Variants in KIF26A observed in about 807,000 individuals in gnomAD.
KIF26A encodes kinesin-like protein KIF26A.
In KIF26A, 74 loss-of-function variants were observed where a neutral mutation model predicts 126.0. The observed-to-expected ratio is 0.59, with a 90% CI of 0.49 to 0.71. KIF26A has a LOEUF of 0.71. Ranked by LOEUF, KIF26A falls within the 30% of genes least tolerant of loss-of-function variation. KIF26A has a pLI of 0.00. For synonymous variants in KIF26A, 1,445 were observed against 1,232.7 expected, an observed-to-expected ratio of 1.17 and a Z score of -3.61; for missense variants, 2,984 against 2,763.3, an observed-to-expected ratio of 1.08 and a Z score of -1.79.
chr14:104,165,693 GTGTCTC>G (rs1240851434), intron 4 of KIF26A, among the ~76,000 whole-genome samples: 2 of 151,078 alleles, frequency 1.3e-5, no homozygotes, highest in African/African-American at 4.9e-5. Context: ...GTGTGACTGT[GTGTCTC>G]TGTCTCTGTG....
intron 4 of KIF26A, 60 bp from the exon 5 acceptor site, chr14:104,166,799 G>A (rs150545643): frequency 0.012 from 16,823 of 1,426,372 alleles, 126 homozygotes; most frequent in South Asian, 0.019. Flanking sequence ...ACTCGCAGGC[G>A]GGTGACAGGA....
intron 4 of KIF26A, among the ~76,000 whole-genome samples, chr14:104,162,942 C>G (rs970601829): frequency 6.6e-5 from 10 of 152,196 alleles, no homozygotes; most frequent in African/African-American, 2.4e-4. Context: ...CCCAAGAAAC[C>G]TGGGGTCCCA....
intron 4 of KIF26A, 31 bp from the exon 5 acceptor site, chr14:104,166,828 C>T (rs1193593401): frequency 6.6e-7 from 1 of 1,520,656 alleles, no homozygotes; most frequent in Non-Finnish European, 8.9e-7. Context: ...TGTCACCCAC[C>T]ACTGATCCTG....
At chr14:104,147,087 A>C (rs533913701) in intron 2 of KIF26A, among the ~76,000 whole-genome samples, 2 of 152,054 alleles carry the variant, frequency 1.3e-5, no homozygotes, top group African/African-American at 4.8e-5. Flanking sequence ...TGCAGCCTAC[A>C]TGGAGTTGGA....
At chr14:104,173,997 G>T in intron 10 of KIF26A, 129 bp downstream of exon 10, 1 of 1,399,882 alleles carries the variant, frequency 7.1e-7, no homozygotes, top group Non-Finnish European at 9.5e-7. Flanking sequence ...CCACCTGACA[G>T]GCCTCGCTGC....
At chr14:104,141,072 C>G (rs1000906194) in intron 2 of KIF26A, among the ~76,000 whole-genome samples, 1 of 152,230 alleles carries the variant, frequency 6.6e-6, no homozygotes, top group South Asian at 2.1e-4. Flanking sequence ...ATTGTCCTGT[C>G]CCCTGTGCGG....
intron 2 of KIF26A, among the ~76,000 whole-genome samples, chr14:104,147,717 C>T (rs931108071): frequency 6.6e-6 from 1 of 152,344 alleles, no homozygotes; most frequent in Admixed American, 6.5e-5. Flanking sequence ...GTTGTCAGCT[C>T]CGGAAACAGC....
At chr14:104,143,082 G>A (rs146553207) in intron 2 of KIF26A, among the ~76,000 whole-genome samples, 38 of 152,348 alleles carry the variant, frequency 2.5e-4, no homozygotes, top group Middle Eastern at 3.4e-3. Context: ...CATTTGAAGC[G>A]TCAGTACCGG....
At chr14:104,144,230 G>A (rs533494331) in intron 2 of KIF26A, among the ~76,000 whole-genome samples, 1 of 152,330 alleles carries the variant, frequency 6.6e-6, no homozygotes, top group South Asian at 2.1e-4. Context: ...TGAGCTTGAG[G>A]GATGTGAACC....
At chr14:104,156,507 C>T (rs2037779251) in intron 3 of KIF26A, among the ~76,000 whole-genome samples, 1 of 152,198 alleles carries the variant, frequency 6.6e-6, no homozygotes. Context: ...AGCTTCCATC[C>T]AGCCTAAGTC....
rs750229588 is a variant in KIF26A, at chr14:104,177,250, G to C, written c.4462G>C (p.Val1488Leu). ...PACRSGAAKAVGAPKPPVGGG... is the reference protein window; with the variant it reads ...PACRSGAAKALGAPKPPVGGG... ...CTGTAGGAGCGGCGCAGCCAAGGCT[G>C]TGGGGGCCCCCAAGCCCCCTGTTGG... The change falls in exon 12 of 15, where the codon GTG (valine) becomes CTG (leucine). Residue 1488 changes from valine to leucine, a missense_variant. Coordinates refer to ENST00000423312, the MANE Select transcript of KIF26A (RefSeq NM_015656.2). 6.3e-7 allele frequency: 1 copy of C among 1,596,968 alleles called. No individual in the cohort carries two copies. Among genetic ancestry groups the C allele is most frequent in the South Asian group, 1.1e-5 (1 of 89,510 alleles).
intron 11 of KIF26A, 29 bp from the exon 12 acceptor site, chr14:104,174,953 G>C: frequency 1.3e-6 from 2 of 1,493,590 alleles, no homozygotes; most frequent in African/African-American, 1.4e-5. Flanking sequence ...GGGAGACTGG[G>C]CTCGGCAGCT....
intron 2 of KIF26A, among the ~76,000 whole-genome samples, chr14:104,145,187 G>A (rs966507476): frequency 1.3e-5 from 2 of 152,244 alleles, no homozygotes; most frequent in African/African-American, 4.8e-5. Flanking sequence ...CTTGGGCTGC[G>A]TCGTCACTGT....
At chr14:104,158,860 A>G (rs1424889995) in intron 4 of KIF26A, among the ~76,000 whole-genome samples, 1 of 152,168 alleles carries the variant, frequency 6.6e-6, no homozygotes, top group Admixed American at 6.5e-5. Context: ...TGGTGTAAGG[A>G]TGCGGATTAC....
intron 3 of KIF26A, among the ~76,000 whole-genome samples, chr14:104,157,536 G>A (rs527724936): frequency 1.1e-4 from 16 of 152,170 alleles, no homozygotes; most frequent in South Asian, 6.2e-4. Context: ...AGCTGGGAAC[G>A]TGACCTCACG....
At chr14:104,142,883 C>T (rs1031963308) in intron 2 of KIF26A, among the ~76,000 whole-genome samples, 1 of 152,186 alleles carries the variant, frequency 6.6e-6, no homozygotes, top group Non-Finnish European at 1.5e-5. Flanking sequence ...TGGTGGTCAC[C>T]CCCGGGACTG....
At chr14:104,168,747 C>T (rs999251520) in intron 5 of KIF26A, among the ~76,000 whole-genome samples, 9 of 152,310 alleles carry the variant, frequency 5.9e-5, no homozygotes, top group East Asian at 5.8e-4. Context: ...CTCTGTCCTC[C>T]GGAGGCGACA....
At position 104,173,705 on chromosome 14, in the gene KIF26A, G is replaced by A. The variant is rs2037984763; in HGVS notation, c.1868-1G>A. The A allele has an allele frequency of 1.2e-6, 2 of 1,610,640 alleles. No homozygotes were observed. On this transcript the variant is annotated splice_acceptor_variant, in intron 9 of 14. Coordinates refer to ENST00000423312, the MANE Select transcript of KIF26A (RefSeq NM_015656.2). LOFTEE classifies it high-confidence loss of function. Reference sequence around the variant, plus strand: ...ATCATTTGCTTGCCTTGTGGTTCCAGTGTCCGGAGGCCGCAGCCGCCTGCA... The same window carrying A: ...ATCATTTGCTTGCCTTGTGGTTCCAATGTCCGGAGGCCGCAGCCGCCTGCA...
Position 104,171,725 on chromosome 14 carries a change from GA to G in KIF26A, c.1118del (p.Lys373ArgfsTer22). 1 of 1,568,042 alleles carries G rather than the reference GA, an allele frequency of 6.4e-7. No individual in the cohort carries two copies. Among genetic ancestry groups the G allele is most frequent in the Non-Finnish European group, 8.6e-7 (1 of 1,157,900 alleles). Reference protein sequence around the residue: ...KDNPGSIGKVKVMLRIWPAQG... With the variant: ...KDNPGSIGKVXVMLRIWPAQG... ...GGTGCCGCCCACCTCTGCCCCAGGT[GA>G]AGGTTATGCTGCGGATCTGGCCCGC... On this transcript the variant is annotated frameshift_variant, in exon 6 of 15. Transcript: ENST00000423312. LOFTEE classifies it high-confidence loss of function.
Sources: gnomAD v4.1 joint callset for allele counts (sites outside exome capture counted in the v4.1 genomes callset) on GRCh38, gnomAD v4.1.1 for gene constraint, MANE v1.5 for transcripts, NCBI Gene and HGNC (gene_info 2026-07-23, HGNC 2026-07-21) for gene names.